USP42: variants seen among roughly 807,000 people sequenced by gnomAD.
USP42 encodes the protein ubiquitin carboxyl-terminal hydrolase 42.
USP42 carries 23 observed loss-of-function variants against 113.0 expected under a neutral mutation model. That is an observed-to-expected ratio of 0.20 (90% CI 0.15 to 0.29). The LOEUF (loss-of-function observed/expected upper bound fraction) is 0.29, where lower values mean the gene tolerates loss of function less well. USP42 is among the 10% of genes least tolerant of loss of function. USP42 has a pLI of 1.00. For synonymous variants in USP42, 933 were observed against 699.0 expected, an observed-to-expected ratio of 1.33 and a Z score of -5.28; for missense variants, 2,174 against 1,779.8, an observed-to-expected ratio of 1.22 and a Z score of -3.99.
At chr7:6,109,459 C>T (rs1414932999) in intron 1 of USP42, among the ~76,000 whole-genome samples, 1 of 152,160 alleles carries the variant, frequency 6.6e-6, no homozygotes. Flanking sequence ...GTGGCATGAT[C>T]TCGGCTCACT....
intron 2 of USP42, among the ~76,000 whole-genome samples, chr7:6,114,656 G>GTGTGTA (rs1187768774): frequency 1.2e-4 from 7 of 60,584 alleles, no homozygotes; most frequent in East Asian, 8.7e-4. Context: ...ATGTGTGTGT[G>GTGTGTA]TATATATATA....
At chr7:6,133,073 G>C (rs1780938880) in intron 3 of USP42, among the ~76,000 whole-genome samples, 1 of 152,180 alleles carries the variant, frequency 6.6e-6, no homozygotes, top group Non-Finnish European at 1.5e-5. Flanking sequence ...GGAATTTGTT[G>C]AGGTTCTTAG....
At chr7:6,138,102 C>G (rs12671407) in intron 4 of USP42, among the ~76,000 whole-genome samples, 5,713 of 152,278 alleles carry the variant, frequency 0.038, 459 homozygotes, top group East Asian at 0.37. Flanking sequence ...ATGGTTCAGT[C>G]ATGAAGTTGT....
At chr7:6,114,668 ATATATATATATTTT>A (rs1779794185) in intron 2 of USP42, among the ~76,000 whole-genome samples, 3 of 38,610 alleles carry the variant, frequency 7.8e-5, no homozygotes, top group South Asian at 1.6e-3. Context: ...ATATATATAT[ATATATATATATTTT>A]TTTTTTTTTT....
chr7:6,153,931 G>T lies in USP42; in HGVS notation c.2377G>T (p.Ala793Ser). ...TPATKEGAWE[A>S]MAVAPEEPPP... is the part of the protein sequence containing the mutation. ...CGCTACCAAAGAAGGCGCCTGGGAG[G>T]CCATGGCCGTCGCCCCCGAGGAGCC... Residue 793 changes from alanine (A) to serine (S), a missense_variant, in exon 15 of 18, where the codon GCC becomes TCC. Ala to Ser is a moderately conservative substitution (Grantham distance 99). Coordinates refer to ENST00000306177, the MANE Select transcript of USP42 (RefSeq NM_032172.3). The T allele has an allele frequency of 1.2e-6, 2 of 1,600,092 alleles. No individual in the cohort carries two copies. The highest frequency in any genetic ancestry group is 1.7e-6 in the Non-Finnish European group (2 of 1,175,634).
At chr7:6,143,320 C>T (rs1583655660) in intron 8 of USP42, among the ~76,000 whole-genome samples, 2 of 152,096 alleles carry the variant, frequency 1.3e-5, no homozygotes, top group Admixed American at 6.5e-5. Flanking sequence ...TGGCTGGGCA[C>T]GCACTGTCTG....
At chr7:6,115,925 C>T (rs1193146747) in intron 3 of USP42, among the ~76,000 whole-genome samples, 1 of 151,802 alleles carries the variant, frequency 6.6e-6, no homozygotes, top group Non-Finnish European at 1.5e-5. Flanking sequence ...ATAGTAAGAC[C>T]CCATCTCTAC....
At chr7:6,114,818 G>A (rs1779824370) in intron 2 of USP42, among the ~76,000 whole-genome samples, 1 of 146,972 alleles carries the variant, frequency 6.8e-6, no homozygotes, top group Non-Finnish European at 1.5e-5. Flanking sequence ...AGCCTCCCTA[G>A]TAGCTAGGAC....
Position 6,145,586 on chromosome 7 carries a change from A to G in USP42, c.1061A>G (p.Tyr354Cys). The G allele has an allele frequency of 6.2e-7, 1 of 1,613,976 alleles. No homozygotes were observed. The highest frequency in any genetic ancestry group is 8.5e-7 in the Non-Finnish European group (1 of 1,179,874). Residue 354 changes from tyrosine to cysteine, a missense_variant, in exon 10 of 18, where the codon TAC becomes TGC. Transcript: ENST00000306177. Reference protein sequence around the residue: ...MSQPNGEPIVYVLYAVLVHTG... With the variant: ...MSQPNGEPIVCVLYAVLVHTG... Reference sequence around the variant, plus strand: ...CAACCCAACGGAGAGCCAATTGTCTACGTCTTGTATGCAGTGCTGGTCCAC... The same window carrying G: ...CAACCCAACGGAGAGCCAATTGTCTGCGTCTTGTATGCAGTGCTGGTCCAC...
upstream of USP42, among the ~76,000 whole-genome samples, chr7:6,100,155 A>G (rs757022903): frequency 2.7e-5 from 4 of 147,604 alleles, no homozygotes; most frequent in East Asian, 4.0e-4. Context: ...ACCTGGCCCA[A>G]TTTCACAGTT....
At chr7:6,121,317 C>A (rs1308365124) in intron 3 of USP42, among the ~76,000 whole-genome samples, 1 of 152,164 alleles carries the variant, frequency 6.6e-6, no homozygotes, top group African/African-American at 2.4e-5. Flanking sequence ...TTGTTTGATG[C>A]TTGAATGTTA....
chr7:6,117,130 T>A (rs1583591347), intron 3 of USP42, among the ~76,000 whole-genome samples: 1 of 152,248 alleles, frequency 6.6e-6, no homozygotes, highest in East Asian at 1.9e-4. Flanking sequence ...AGCATCAAGA[T>A]TAAGATAATG....
At chr7:6,095,566 A>C in the USP42 span, among the ~76,000 whole-genome samples, 1 of 150,880 alleles carries the variant, frequency 6.6e-6, no homozygotes, top group Non-Finnish European at 1.5e-5. Flanking sequence ...CTACTTGGGA[A>C]GCTGAGGCAG....
rs2128529618 is a variant in USP42 at position 6,159,521 on chromosome 7, A to G, written c.*36+28A>G. 6.2e-7 allele frequency: 1 copy of G among 1,606,690 alleles called. No individual in the cohort carries two copies. Among genetic ancestry groups the G allele is most frequent in the Non-Finnish European group, 8.5e-7 (1 of 1,173,698 alleles). On this transcript the variant is annotated intron_variant, in intron 17 of 17. Transcript: ENST00000306177. The surrounding 1 kb of genome is among the most constrained non-coding windows in gnomAD (Gnocchi z 4.1). ...AAGCTGTTTTCCTGTCTGTTTCCTC[A>G]TTGTTTGTGGTGGCGCTGAGGGGAC...
chr7:6,137,340 T>G (rs1781201742), intron 4 of USP42, among the ~76,000 whole-genome samples: 1 of 152,242 alleles, frequency 6.6e-6, no homozygotes, highest in South Asian at 2.1e-4. Context: ...TTGGATTGTT[T>G]ACACATGCAT....
intron 12 of USP42, among the ~76,000 whole-genome samples, chr7:6,148,766 T>C (rs1221324855): frequency 6.6e-6 from 1 of 152,156 alleles, no homozygotes; most frequent in Admixed American, 6.5e-5. Context: ...CATGCTTTAT[T>C]TTATGGACAT....
chr7:6,159,807 G>A lies in USP42; in HGVS notation c.*36+314G>A, dbSNP rs1435879635. Among the ~76,000 whole-genome samples, 3 of 152,216 alleles carry A rather than the reference G, an allele frequency of 2.0e-5. No homozygotes were observed. The highest frequency in any genetic ancestry group is 6.5e-5 in the Admixed American group (1 of 15,284). On this transcript the variant is annotated intron_variant, in intron 17 of 17. Transcript: ENST00000306177. The surrounding 1 kb of genome is among the most constrained non-coding windows in gnomAD (Gnocchi z 4.1). The stretch of plus-strand genomic sequence containing the variant: ...CCCGGCTCACAGCGGCAGAGCCCAC[G>A]GGCCTTTGATAAACATCTGGGAAGG...
intron 1 of USP42, among the ~76,000 whole-genome samples, chr7:6,107,123 A>G (rs562700227): frequency 1.3e-5 from 2 of 152,266 alleles, no homozygotes; most frequent in Admixed American, 1.3e-4. Flanking sequence ...AGGCGAATGG[A>G]TAGCTTTGGT....
intron 1 of USP42, among the ~76,000 whole-genome samples, chr7:6,105,379 C>T (rs1779211491): frequency 6.7e-6 from 1 of 149,112 alleles, no homozygotes; most frequent in Non-Finnish European, 1.5e-5. Flanking sequence ...CCCCTTCGGC[C>T]TGGGGGCCGG....
Sources: allele counts gnomAD v4.1 joint callset (sites outside exome capture counted in the v4.1 genomes callset), GRCh38; gene constraint gnomAD v4.1.1; non-coding constraint Gnocchi (gnomAD v3.1); transcripts MANE v1.5; gene names NCBI Gene and HGNC (gene_info 2026-07-23, HGNC 2026-07-21).